The following GRIK4 variants were observed in gnomAD, a reference collection of about 807,000 sequenced individuals.
The protein encoded by GRIK4 is glutamate ionotropic receptor kainate type subunit 4, also known as glutamate receptor ionotropic, kainate 4.
Under a neutral mutation model 104.9 loss-of-function variants are expected in GRIK4, and 40 were observed. The ratio of observed to expected loss-of-function variants is 0.38; its 90% CI spans 0.30 to 0.50. GRIK4 has a LOEUF of 0.50. GRIK4 is among the 20% of genes least tolerant of loss of function. The probability of loss-of-function intolerance (pLI) is 0.93; values close to 1 mark genes in which losing one functional copy is unlikely to be tolerated. For synonymous variants in GRIK4, 485 were observed against 524.9 expected, an observed-to-expected ratio of 0.92 and a Z score of 1.04; for missense variants, 1,047 against 1,308.1, an observed-to-expected ratio of 0.80 and a Z score of 3.08.
At chr11:120,650,576 A>G (rs934927665) in intron 1 of GRIK4, among the ~76,000 whole-genome samples, 10 of 152,128 alleles carry the variant, frequency 6.6e-5, no homozygotes, top group African/African-American at 2.4e-4. Context: ...ACCCTGAACC[A>G]TCCTGTTCTT....
chr11:120,726,402 G>A (rs1028222414), intron 3 of GRIK4, among the ~76,000 whole-genome samples: 2 of 152,238 alleles, frequency 1.3e-5, no homozygotes, highest in African/African-American at 2.4e-5. Flanking sequence ...TCATGCAGAA[G>A]TCCAGAAGTG....
chr11:120,845,234 G>A (rs892653034), intron 8 of GRIK4, among the ~76,000 whole-genome samples: 2 of 152,206 alleles, frequency 1.3e-5, no homozygotes, highest in Non-Finnish European at 2.9e-5. Flanking sequence ...TCAGATCAGA[G>A]AGAACTTGAG....
At chr11:120,557,866 A>C (rs1393814283) in intron 1 of GRIK4, among the ~76,000 whole-genome samples, 3 of 152,010 alleles carry the variant, frequency 2.0e-5, no homozygotes, top group African/African-American at 7.3e-5. Context: ...AATACAAAAA[A>C]AATTAGCTGG....
intron 13 of GRIK4, among the ~76,000 whole-genome samples, chr11:120,921,045 C>G (rs542037513): frequency 1.1e-4 from 16 of 152,292 alleles, no homozygotes; most frequent in African/African-American, 3.8e-4. Flanking sequence ...CAGTCTATTT[C>G]CATTTCATTA....
At chr11:120,556,004 G>A (rs996175831) in intron 1 of GRIK4, among the ~76,000 whole-genome samples, 1 of 152,204 alleles carries the variant, frequency 6.6e-6, no homozygotes, top group African/African-American at 2.4e-5. Flanking sequence ...TTCTTCTCAT[G>A]GAAATGCATT....
At position 120,513,799 on chromosome 11, in the gene GRIK4, G is replaced by A. The variant is rs1038718974; in HGVS notation, c.-159+1912G>A. 6.6e-6 allele frequency among the ~76,000 whole-genome samples: 1 copy of A among 152,166 alleles called. No individual in the cohort carries two copies. The highest frequency in any genetic ancestry group is 1.5e-5 in the Non-Finnish European group (1 of 68,040). On this transcript the variant is annotated intron_variant, in intron 1 of 20. Transcript: ENST00000527524. This position sits in a 1 kb window ranked among gnomAD's most constrained non-coding sequence, Gnocchi z 4.5. ...GAAGAGGTGGATGCTCGGGAGGGGA[G>A]GTTGAGAGGGGATCTTGGTTTTCTG...
At chr11:120,733,137 G>A (rs976343861) in intron 3 of GRIK4, among the ~76,000 whole-genome samples, 1 of 151,984 alleles carries the variant, frequency 6.6e-6, no homozygotes, top group Non-Finnish European at 1.5e-5. Context: ...AATTTATTTT[G>A]TCTAATATAT....
At chr11:120,697,645 A>G (rs996715534) in intron 3 of GRIK4, among the ~76,000 whole-genome samples, 1 of 152,214 alleles carries the variant, frequency 6.6e-6, no homozygotes, top group Non-Finnish European at 1.5e-5. Flanking sequence ...CCTTTAGCAC[A>G]GTGGATGGCC....
chr11:120,547,073 CCT>C (rs1948091836), intron 1 of GRIK4, among the ~76,000 whole-genome samples: 1 of 152,208 alleles, frequency 6.6e-6, no homozygotes, highest in African/African-American at 2.4e-5. Flanking sequence ...TCCACATTCT[CCT>C]GTCTTGTGTG....
chr11:120,893,796 T>TC (rs1942487719), intron 11 of GRIK4, among the ~76,000 whole-genome samples: 3 of 152,146 alleles, frequency 2.0e-5, no homozygotes, highest in African/African-American at 7.2e-5. Flanking sequence ...TCTTTTTTTT[T>TC]CCCCCCAGGA....
At chr11:120,810,474 C>G (rs1174833275) in intron 4 of GRIK4, among the ~76,000 whole-genome samples, 1 of 152,186 alleles carries the variant, frequency 6.6e-6, no homozygotes, top group Non-Finnish European at 1.5e-5. Context: ...GAGATGCCTT[C>G]TGGCCTAGGA....
chr11:120,974,917 T>C (rs1164160657), intron 19 of GRIK4, among the ~76,000 whole-genome samples: 3 of 152,232 alleles, frequency 2.0e-5, no homozygotes, highest in African/African-American at 4.8e-5. Flanking sequence ...TTAACTGCTA[T>C]AAAAAGAAAA....
chr11:120,789,893 C>T (rs1026112010), intron 3 of GRIK4, among the ~76,000 whole-genome samples: 2 of 152,168 alleles, frequency 1.3e-5, no homozygotes, highest in Admixed American at 1.3e-4. Flanking sequence ...ATGCATGAGG[C>T]CTTCCCTAAA....
intron 8 of GRIK4, among the ~76,000 whole-genome samples, chr11:120,857,392 T>C (rs1432683780): frequency 6.6e-6 from 1 of 152,166 alleles, no homozygotes; most frequent in Non-Finnish European, 1.5e-5. Context: ...CATCTCAGGG[T>C]AACATCTGCC....
At chr11:120,871,661 A>T (rs761218704) in intron 9 of GRIK4, 3 of 456,282 alleles carry the variant, frequency 6.6e-6, no homozygotes, top group South Asian at 4.6e-5. Context: ...ACGGAGGCCG[A>T]GGGCAGTGGC....
At chr11:120,694,990 T>C (rs1326391287) in intron 3 of GRIK4, among the ~76,000 whole-genome samples, 1 of 152,106 alleles carries the variant, frequency 6.6e-6, no homozygotes, top group African/African-American at 2.4e-5. Flanking sequence ...CTTCAGAGCA[T>C]TTAGGAAGGT....
At chr11:120,715,618 C>G (rs1194896287) in intron 3 of GRIK4, among the ~76,000 whole-genome samples, 2 of 152,180 alleles carry the variant, frequency 1.3e-5, no homozygotes, top group Non-Finnish European at 2.9e-5. Flanking sequence ...CCCACCAACA[C>G]CTTCCCAGTC....
chr11:120,800,560 G>C (rs551008514), intron 3 of GRIK4, among the ~76,000 whole-genome samples: 1 of 152,318 alleles, frequency 6.6e-6, no homozygotes, highest in African/African-American at 2.4e-5. Flanking sequence ...CCAGGTATGC[G>C]TGGACTTTGC....
At chr11:120,619,210 A>G (rs1202542024) in intron 1 of GRIK4, among the ~76,000 whole-genome samples, 2 of 152,156 alleles carry the variant, frequency 1.3e-5, no homozygotes, top group Admixed American at 1.3e-4. Flanking sequence ...TTTAAGATTT[A>G]ATGACTGCCC....
Sources: allele counts gnomAD v4.1 joint callset (sites outside exome capture counted in the v4.1 genomes callset), GRCh38; gene constraint gnomAD v4.1.1; non-coding constraint Gnocchi (gnomAD v3.1); transcripts MANE v1.5; gene names NCBI Gene and HGNC (gene_info 2026-07-23, HGNC 2026-07-21).